The following COL27A1 variants were observed in gnomAD, a reference collection of about 807,000 sequenced individuals.
COL27A1 encodes collagen type XXVII alpha 1 chain.
COL27A1 carries 106 observed loss-of-function variants against 251.3 expected under a neutral mutation model. The observed-to-expected ratio is 0.42, with a 90% CI of 0.36 to 0.50. The LOEUF (loss-of-function observed/expected upper bound fraction) is 0.50, where lower values mean the gene tolerates loss of function less well. Among genes scored for constraint, COL27A1 ranks in the 20% least tolerant of loss-of-function variants. The pLI is 0.00. For missense variants in COL27A1, 2,325 were observed against 2,522.8 expected, an observed-to-expected ratio of 0.92 and a Z score of 1.68; for synonymous variants, 1,000 against 986.3, an observed-to-expected ratio of 1.01 and a Z score of -0.26.
intron 4 of COL27A1, among the ~76,000 whole-genome samples, chr9:114,178,762 C>T (rs558921719): frequency 1.8e-4 from 28 of 152,192 alleles, no homozygotes; most frequent in African/African-American, 6.7e-4. Flanking sequence ...AGGGGCCATG[C>T]GGGGAGGAGT....
intron 37 of COL27A1, among the ~76,000 whole-genome samples, chr9:114,278,468 T>TGAG: frequency 7.1e-6 from 1 of 141,106 alleles, no homozygotes; most frequent in African/African-American, 2.7e-5. Context: ...ATGGTGGTGG[T>TGAG]GATGGTGGTG....
Position 114,290,229 on chromosome 9 carries a change from G to A in COL27A1, c.4266G>A (p.Leu1422=). 3 of 1,572,122 alleles carry A rather than the reference G, an allele frequency of 1.9e-6. No individual in the cohort carries two copies. The highest frequency in any genetic ancestry group is 2.6e-6 in the Non-Finnish European group (3 of 1,158,302). Residue 1422 remains leucine (L), a synonymous_variant, in exon 47 of 61, where the codon CTG becomes CTA. Coordinates refer to ENST00000356083, the MANE Select transcript of COL27A1 (RefSeq NM_032888.4). This position sits in a 1 kb window ranked among gnomAD's most constrained non-coding sequence, Gnocchi z 4.6. ...GAPGRRGVQG[L]QGLPGPRGVV... is the part of the protein sequence containing the mutation. ...GCTTTTTATGTACCCCCCAGGGCCT[G>A]CAGGGGCTGCCAGGGCCCCGGGGCG...
At position 114,278,648 on chromosome 9, in the gene COL27A1, A is replaced by G. The variant is rs536416105; in HGVS notation, c.3717+2880A>G. 4.0e-5 allele frequency among the ~76,000 whole-genome samples: 6 copies of G among 149,588 alleles called. No individual in the cohort carries two copies. The East Asian group carries it at 1.0e-3, about 26-fold the overall frequency. ...TATGGCGTAGGTAGTGGTGATGATG[A>G]TGGTGATGATGATGATAGTAGTGGT... On this transcript the variant is annotated intron_variant, in intron 37 of 60. Transcript: ENST00000356083.
At position 114,240,618 on chromosome 9, in the gene COL27A1, C is replaced by A. The variant is rs1050121890; in HGVS notation, c.2835+131C>A. Reference sequence around the variant, plus strand: ...GCCAGGACACCACCCAGGGCTTCCCCAGACTTACCCACCAGCTCATCCTAT... The same window carrying A: ...GCCAGGACACCACCCAGGGCTTCCCAAGACTTACCCACCAGCTCATCCTAT... On this transcript the variant is annotated intron_variant, in intron 21 of 60. Transcript: ENST00000356083. 13 of 775,168 alleles carry A rather than the reference C, an allele frequency of 1.7e-5. No individual in the cohort carries two copies. In the African/African-American group the frequency reaches 2.3e-4, roughly 13 times the overall value. 48.0% of individuals were successfully genotyped at this position (775,168 alleles called of 1,614,324 possible). A position where few individuals can be genotyped will look rare whatever the true frequency, so the allele number is the denominator to read the frequency against.
chr9:114,268,023 G>A (rs1198341724), intron 34 of COL27A1, among the ~76,000 whole-genome samples: 1 of 152,196 alleles, frequency 6.6e-6, no homozygotes, highest in African/African-American at 2.4e-5. Flanking sequence ...CCGCAGAGGG[G>A]CTGTGAGACT....
intron 3 of COL27A1, among the ~76,000 whole-genome samples, chr9:114,176,543 G>C (rs535280494): frequency 1.1e-4 from 17 of 151,916 alleles, no homozygotes; most frequent in Non-Finnish European, 1.5e-4. Flanking sequence ...AGGTGGGTGG[G>C]GGGGGGTGCC....
In COL27A1 at chr9:114,168,277, C is replaced by T. The variant is rs148448277; in HGVS notation, c.722C>T (p.Thr241Met). 409 of 1,613,586 alleles carry T rather than the reference C, an allele frequency of 2.5e-4. No homozygotes were observed. The highest frequency in any genetic ancestry group is 3.3e-4 in the Non-Finnish European group (391 of 1,179,974). ...HLRKQCGQAD[T>M]YQSPLGPLFS... ...AGGAAGCAGTGTGGACAGGCTGACA[C>T]GTACCAGTCCCCACTGGGACCTCTC... The change falls in exon 3 of 61, where the codon ACG becomes ATG. Residue 241 changes from threonine to methionine, a missense_variant. Physicochemically the swap from Thr to Met is moderately conservative, Grantham distance 81 (BLOSUM62 -1). Coordinates refer to ENST00000356083, the MANE Select transcript of COL27A1 (RefSeq NM_032888.4).
intron 6 of COL27A1, 112 bp from the exon 7 acceptor site, chr9:114,195,847 A>G (rs930521597): frequency 7.9e-6 from 7 of 883,322 alleles, no homozygotes; most frequent in Non-Finnish European, 1.3e-5. Context: ...TTCTCTATGA[A>G]TCTCATTTGG....
At chr9:114,273,043 A>T (rs12115691) in intron 36 of COL27A1, 1,672 of 152,324 alleles carry the variant, frequency 0.011, 31 homozygotes, top group African/African-American at 0.038. Flanking sequence ...CATCTCTAGG[A>T]ACCCCCAGAG....
At position 114,306,691 on chromosome 9, in the gene COL27A1, G is replaced by A. The variant is rs745689376; in HGVS notation, c.5107+3G>A. Reference sequence around the variant, plus strand: ...CTGTGAGCAGAAGATGGTGGATGGTGAGAAGGCTTCCTGCCGGGGGTGGGT... The same window carrying A: ...CTGTGAGCAGAAGATGGTGGATGGTAAGAAGGCTTCCTGCCGGGGGTGGGT... On this transcript the variant is annotated splice_donor_region_variant and intron_variant, in intron 58 of 60. Transcript: ENST00000356083. 16 of 1,611,148 alleles carry A rather than the reference G, an allele frequency of 9.9e-6. No homozygotes were observed. The highest frequency in any genetic ancestry group is 1.4e-5 in the Non-Finnish European group (16 of 1,178,864).
intron 5 of COL27A1, among the ~76,000 whole-genome samples, chr9:114,192,681 G>A (rs1404889901): frequency 6.6e-6 from 1 of 152,208 alleles, no homozygotes; most frequent in East Asian, 1.9e-4. Context: ...GGCCTTCTCT[G>A]AACCCACCTT....
intron 19 of COL27A1, among the ~76,000 whole-genome samples, chr9:114,238,861 C>A (rs757822845): frequency 6.6e-6 from 1 of 152,166 alleles, no homozygotes; most frequent in Non-Finnish European, 1.5e-5. Flanking sequence ...CCACGACAGC[C>A]GCATGAGGGG....
At chr9:114,244,005 A>AACCTCT (rs1832946681) in intron 23 of COL27A1, among the ~76,000 whole-genome samples, 1 of 147,802 alleles carries the variant, frequency 6.8e-6, no homozygotes, top group Non-Finnish European at 1.5e-5. Context: ...AGCTCACTGC[A>AACCTCT]ACCTCTGCCT....
At position 114,305,496 on chromosome 9, in the gene COL27A1, G is replaced by A. The variant is rs568136611; in HGVS notation, c.4938+823G>A. On this transcript the variant is annotated intron_variant, in intron 57 of 60. Coordinates refer to ENST00000356083, the MANE Select transcript of COL27A1 (RefSeq NM_032888.4). ...TAACATGATGAAGGAAAGTGGCTCCGTTTATCAAGCACCTCCTACCCACTC... is the reference window on the plus strand; with the variant it reads ...TAACATGATGAAGGAAAGTGGCTCCATTTATCAAGCACCTCCTACCCACTC... 2.6e-3 allele frequency among the ~76,000 whole-genome samples: 394 copies of A among 152,274 alleles called. 2 individuals are homozygous for A. The highest frequency in any genetic ancestry group is 4.2e-3 in the Non-Finnish European group (289 of 68,008).
intron 36 of COL27A1, chr9:114,272,259 G>A (rs1254953110): frequency 1.3e-5 from 2 of 152,228 alleles, no homozygotes; most frequent in Non-Finnish European, 2.9e-5. Flanking sequence ...CGAAGCAGCA[G>A]CCTTCTCACT....
At chr9:114,190,930 T>C (rs893367762) in intron 5 of COL27A1, among the ~76,000 whole-genome samples, 2 of 152,244 alleles carry the variant, frequency 1.3e-5, no homozygotes, top group Non-Finnish European at 2.9e-5. Context: ...ATATAACTTA[T>C]ATTTCTTATT....
At chr9:114,259,013 C>G (rs923486917) in intron 28 of COL27A1, among the ~76,000 whole-genome samples, 2 of 152,204 alleles carry the variant, frequency 1.3e-5, no homozygotes, top group African/African-American at 4.8e-5. Flanking sequence ...TGATAAAATA[C>G]AGGGTCATCA....
At chr9:114,209,866 A>G in intron 11 of COL27A1, 138 bp downstream of exon 11, 1 of 776,116 alleles carries the variant, frequency 1.3e-6, no homozygotes, top group South Asian at 1.5e-5. Context: ...GAGTCTGATA[A>G]GGGGACAAGT....
intron 59 of COL27A1, among the ~76,000 whole-genome samples, chr9:114,308,872 G>A (rs543888538): frequency 6.6e-6 from 1 of 152,198 alleles, no homozygotes; most frequent in Non-Finnish European, 1.5e-5. Flanking sequence ...CTTAGGAAGG[G>A]TCTCGAAAAC....
Sources: gnomAD v4.1 joint callset for allele counts (sites outside exome capture counted in the v4.1 genomes callset) on GRCh38, gnomAD v4.1.1 for gene constraint, Gnocchi (gnomAD v3.1) non-coding constraint, MANE v1.5 for transcripts, NCBI Gene and HGNC (gene_info 2026-07-23, HGNC 2026-07-21) for gene names.